SHANK2: variants seen among roughly 807,000 people sequenced by gnomAD.
SHANK2 encodes SH3 and multiple ankyrin repeat domains protein 2.
In SHANK2, 43 loss-of-function variants were observed where a neutral mutation model predicts 133.7. That is an observed-to-expected ratio of 0.32 (90% CI 0.25 to 0.41). SHANK2 has a LOEUF of 0.41. SHANK2 is among the 10% of genes least tolerant of loss of function. SHANK2 has a pLI of 1.00. For synonymous variants in SHANK2, 1,017 were observed against 952.8 expected (o/e 1.07, Z -1.24); for missense variants, 1,994 against 2,235.8 (o/e 0.89, Z 2.18).
chr11:71,112,132 G>A (rs558589318), intron 5 of SHANK2, among the ~76,000 whole-genome samples: 4 of 152,204 alleles, frequency 2.6e-5, no homozygotes, highest in Admixed American at 6.6e-5. Context: ...AGTGGCTCAC[G>A]CCTGTAATCC....
intron 11 of SHANK2, among the ~76,000 whole-genome samples, chr11:70,852,475 C>T (rs909157103): frequency 6.6e-6 from 1 of 152,078 alleles, no homozygotes; most frequent in Non-Finnish European, 1.5e-5. Flanking sequence ...GGCTGGCTGT[C>T]CATTTCCAGC....
rs76247254 is a variant in SHANK2, at chr11:70,682,652, G to A, written c.1853+16036C>T. On this transcript the variant is annotated intron_variant, in intron 15 of 25. Transcript: ENST00000601538. Reference sequence around the variant, plus strand: ...AAACAGACAATGAAGATGGGAGGGAGAGAGGGAGGAAATGGGGGAGGCAGG... The same window carrying A: ...AAACAGACAATGAAGATGGGAGGGAAAGAGGGAGGAAATGGGGGAGGCAGG... Among the ~76,000 whole-genome samples, 557 of 152,300 alleles carry A rather than the reference G, an allele frequency of 3.7e-3. 4 individuals are homozygous for A. The highest frequency in any genetic ancestry group is 0.013 in the African/African-American group (542 of 41,564).
rs115176740 is a variant in SHANK2 at position 70,569,306 on chromosome 11, G to A, written c.2062-66375C>T. ...GCTGGGGTCCTGGGGGGTCAGGCTC[G>A]GGAGCGTCTGGGGTGATCCTGCTCA... On this transcript the variant is annotated intron_variant, in intron 17 of 25. Coordinates refer to ENST00000601538, the MANE Select transcript of SHANK2 (RefSeq NM_012309.5). This position sits in a 1 kb window ranked among gnomAD's most constrained non-coding sequence, Gnocchi z 5.1. 9.3e-3 allele frequency among the ~76,000 whole-genome samples: 1,420 copies of A among 152,284 alleles called. 19 individuals are homozygous for A. The highest frequency in any genetic ancestry group is 0.033 in the African/African-American group (1,361 of 41,546).
At chr11:70,772,795 A>G (rs913058516) in intron 14 of SHANK2, among the ~76,000 whole-genome samples, 4 of 152,228 alleles carry the variant, frequency 2.6e-5, no homozygotes, top group African/African-American at 9.6e-5. Flanking sequence ...TGTCCTAGCC[A>G]GATTTTCTTT....
chr11:70,496,467 C>T (rs932298396), intron 21 of SHANK2, among the ~76,000 whole-genome samples: 3 of 152,196 alleles, frequency 2.0e-5, no homozygotes, highest in Admixed American at 6.5e-5. Flanking sequence ...TCAGGGCCTG[C>T]GGCAGGCATC....
At chr11:70,927,515 G>A (rs146004696) in intron 10 of SHANK2, among the ~76,000 whole-genome samples, 21 of 152,064 alleles carry the variant, frequency 1.4e-4, no homozygotes, top group African/African-American at 4.8e-4. Context: ...ACAAGGAAAA[G>A]AACCCCAGAG....
chr11:70,636,379 G>T (rs894923697), intron 17 of SHANK2, among the ~76,000 whole-genome samples: 6 of 105,592 alleles, frequency 5.7e-5, no homozygotes, highest in Non-Finnish European at 1.4e-4. Context: ...ATGAATGTGA[G>T]TCTGTGTGTA....
intron 10 of SHANK2, among the ~76,000 whole-genome samples, chr11:70,923,268 A>T (rs558713552): frequency 3.9e-5 from 6 of 152,222 alleles, no homozygotes; most frequent in Admixed American, 3.3e-4. Flanking sequence ...TTTGAGATGG[A>T]GTCTTTCTCT....
chr11:70,665,873 C>T (rs1331121604), intron 15 of SHANK2, among the ~76,000 whole-genome samples: 1 of 152,134 alleles, frequency 6.6e-6, no homozygotes, highest in African/African-American at 2.4e-5. Context: ...AGCTGGGTGA[C>T]CCTGGAGAAA....
intron 17 of SHANK2, among the ~76,000 whole-genome samples, chr11:70,628,907 C>T (rs1312692551): frequency 6.6e-6 from 1 of 152,222 alleles, no homozygotes; most frequent in African/African-American, 2.4e-5. Context: ...CTCTGGGCTG[C>T]AGCGCGGCAA....
intron 14 of SHANK2, among the ~76,000 whole-genome samples, chr11:70,731,898 G>A (rs1437770051): frequency 6.6e-6 from 1 of 152,148 alleles, no homozygotes; most frequent in Non-Finnish European, 1.5e-5. Context: ...CCTCCTGCAC[G>A]TGCTCTGCCG....
chr11:71,092,129 A>G lies in SHANK2; in HGVS notation c.912+293T>C, dbSNP rs375029622. 2.0e-4 allele frequency among the ~76,000 whole-genome samples: 31 copies of G among 152,336 alleles called. No individual in the cohort carries two copies. The South Asian group carries it at 5.6e-3, about 27-fold the overall frequency. ...CTCCTGGGAAGGGGGCGTCCACCCC[A>G]TAACTGCAGGGCACTCCTGCTGTGC... On this transcript the variant is annotated intron_variant, in intron 8 of 25. Transcript: ENST00000601538.
chr11:70,582,369 C>T (rs536358793), intron 17 of SHANK2, among the ~76,000 whole-genome samples: 79 of 152,348 alleles, frequency 5.2e-4, no homozygotes, highest in Non-Finnish European at 9.3e-4. Flanking sequence ...AGCTCATGCA[C>T]ACATCTGCAA....
intron 17 of SHANK2, among the ~76,000 whole-genome samples, chr11:70,526,857 A>G (rs1316716422): frequency 6.7e-6 from 1 of 148,262 alleles, no homozygotes; most frequent in Non-Finnish European, 1.5e-5. Context: ...GCCCCCTCGG[A>G]ATCACATCCC....
At chr11:71,085,676 TATATA>T (rs1224784373) in intron 8 of SHANK2, among the ~76,000 whole-genome samples, 26 of 61,966 alleles carry the variant, frequency 4.2e-4, no homozygotes, top group African/African-American at 1.2e-3. Flanking sequence ...ATATGTTATA[TATATA>T]ATATAATATA....
chr11:70,544,898 G>A (rs2059669992), intron 17 of SHANK2, among the ~76,000 whole-genome samples: 2 of 152,366 alleles, frequency 1.3e-5, no homozygotes, highest in African/African-American at 4.8e-5. Context: ...CTGAGCCCAC[G>A]TGAGCACCAA....
intron 17 of SHANK2, among the ~76,000 whole-genome samples, chr11:70,508,513 AAT>A (rs782303710): frequency 6.6e-6 from 1 of 152,178 alleles, no homozygotes; most frequent in Non-Finnish European, 1.5e-5. Flanking sequence ...AGTATCTCAA[AAT>A]ATGACCTTAC....
At chr11:71,057,619 G>C (rs1950935601) in intron 9 of SHANK2, among the ~76,000 whole-genome samples, 1 of 151,856 alleles carries the variant, frequency 6.6e-6, no homozygotes, top group African/African-American at 2.4e-5. Flanking sequence ...GTGCAATCTT[G>C]GCTCGCTGCA....
intron 14 of SHANK2, among the ~76,000 whole-genome samples, chr11:70,796,248 A>G (rs995133134): frequency 2.0e-5 from 3 of 152,124 alleles, no homozygotes; most frequent in African/African-American, 7.2e-5. Flanking sequence ...GAGGAGGAAG[A>G]CAGGTTGCTC....
Sources: gnomAD v4.1 joint callset for allele counts (sites outside exome capture counted in the v4.1 genomes callset) on GRCh38, gnomAD v4.1.1 for gene constraint, Gnocchi (gnomAD v3.1) non-coding constraint, MANE v1.5 for transcripts, NCBI Gene and HGNC (gene_info 2026-07-23, HGNC 2026-07-21) for gene names.